The following PTPRS variants were observed in gnomAD, a reference collection of about 807,000 sequenced individuals.
The protein encoded by PTPRS is receptor-type tyrosine-protein phosphatase S.
In PTPRS, 63 loss-of-function variants were observed where a neutral mutation model predicts 215.3. The ratio of observed to expected loss-of-function variants is 0.29; its 90% confidence interval spans 0.24 to 0.36. The LOEUF is 0.36. Among genes scored for constraint, PTPRS ranks in the 10% least tolerant of loss-of-function variants. PTPRS has a pLI of 1.00. For synonymous variants in PTPRS, 1,404 were observed against 1,191.4 expected (o/e 1.18, Z -3.68); for missense variants, 2,258 against 2,825.8 (o/e 0.80, Z 4.56).
intron 30 of PTPRS, among the ~76,000 whole-genome samples, chr19:5,213,474 T>C (rs912359862): frequency 6.6e-6 from 1 of 152,222 alleles, no homozygotes; most frequent in African/African-American, 2.4e-5. Context: ...ACACTGTTTT[T>C]CTCCTCCACT....
chr19:5,207,995 T>C lies in PTPRS; in HGVS notation c.5705A>G (p.Tyr1902Cys). 6.2e-7 allele frequency: 1 copy of C among 1,614,122 alleles called. No homozygotes were observed. Among genetic ancestry groups the C allele is most frequent in the Non-Finnish European group, 8.5e-7 (1 of 1,180,030 alleles). ...CTGAAAGATGTCCACCACGCCTTCA[T>C]ACCGCATCCGCTCCAGCACGATGCT... ...TLSIVLERMR[Y>C]EGVVDIFQTV... Residue 1902 changes from tyrosine to cysteine, a missense_variant, in exon 37 of 38, where the codon TAT (tyrosine) becomes TGT (cysteine). By Grantham distance (194) the Tyr-to-Cys change is radical. Around this residue, in one of 6 missense-constraint regions of PTPRS, gnomAD observed 89 missense variants for 104.0 expected, o/e 0.86. Transcript: ENST00000262963.
At chr19:5,225,925 A>C in intron 16 of PTPRS, 81 bp from the exon 17 acceptor site, 1 of 1,188,996 alleles carries the variant, frequency 8.4e-7, no homozygotes, top group Admixed American at 1.7e-5. Context: ...GCTGAGAACA[A>C]GCAAGGAGGA....
intron 5 of PTPRS, among the ~76,000 whole-genome samples, chr19:5,263,586 G>C (rs1038904157): frequency 6.6e-6 from 1 of 152,202 alleles, no homozygotes; most frequent in African/African-American, 2.4e-5. Context: ...ACAGTGACCT[G>C]AACGAAGGCA....
rs373004499 is a variant in PTPRS, at chr19:5,244,352, G to C, written c.1119C>G (p.Asp373Glu). The change falls in exon 11 of 38, where the codon GAC (aspartate) becomes GAG (glutamate). Residue 373 changes from aspartate to glutamate, a missense_variant. Coordinates refer to ENST00000262963, the MANE Select transcript of PTPRS (RefSeq NM_002850.4). The surrounding 1 kb of genome is among the most constrained non-coding windows in gnomAD (Gnocchi z 7.2). ...YVIEYKSKSQ[D>E]GPYQIKEDIT... ...TGTCCTCTTTAATCTGATACGGCCC[G>C]TCTTGGCTCTTGGATTTATATTCGA... 13 of 1,614,100 alleles carry C rather than the reference G, an allele frequency of 8.1e-6. No individual in the cohort carries two copies. Among genetic ancestry groups the C allele is most frequent in the African/African-American group, 1.3e-5 (1 of 74,924 alleles).
At chr19:5,327,280 C>T (rs1315224959) in intron 1 of PTPRS, among the ~76,000 whole-genome samples, 1 of 152,208 alleles carries the variant, frequency 6.6e-6, no homozygotes, top group African/African-American at 2.4e-5. Flanking sequence ...CACTGATCAT[C>T]AAGCTGTATT....
intron 1 of PTPRS, among the ~76,000 whole-genome samples, chr19:5,325,334 A>G (rs2050139872): frequency 6.6e-6 from 1 of 152,222 alleles, no homozygotes. Flanking sequence ...TCTTTCCCCC[A>G]GGTGGCCATG....
At chr19:5,267,594 T>C (rs1353657354) in intron 4 of PTPRS, among the ~76,000 whole-genome samples, 4 of 150,128 alleles carry the variant, frequency 2.7e-5, no homozygotes, top group Admixed American at 6.6e-5. Context: ...GAGGTGGAGG[T>C]TGCAGTGAGC....
At chr19:5,218,360 G>A (rs1190952827) in intron 25 of PTPRS, 60 bp downstream of exon 25, 3 of 1,507,940 alleles carry the variant, frequency 2.0e-6, no homozygotes, top group African/African-American at 2.8e-5. Context: ...GGCAGCTACT[G>A]CTTCTCCCCA....
At chr19:5,330,076 C>CAA (rs10690740) in intron 1 of PTPRS, among the ~76,000 whole-genome samples, 1,697 of 74,392 alleles carry the variant, frequency 0.023, 29 homozygotes, top group African/African-American at 0.083. Context: ...GACTCTGTCT[C>CAA]AAAAAAAAAA....
chr19:5,225,891 G>T, intron 16 of PTPRS, 47 bp from the exon 17 acceptor site: 4 of 1,504,024 alleles, frequency 2.7e-6, no homozygotes, highest in Non-Finnish European at 3.7e-6. Context: ...GCTGGGAGCA[G>T]CCCCACCCAC....
At chr19:5,234,651 T>C (rs2043285563) in intron 13 of PTPRS, among the ~76,000 whole-genome samples, 1 of 152,034 alleles carries the variant, frequency 6.6e-6, no homozygotes, top group East Asian at 1.9e-4. Flanking sequence ...CAGAAAACAG[T>C]AGTAGTCCCT....
At chr19:5,277,246 C>T (rs539814326) in intron 2 of PTPRS, among the ~76,000 whole-genome samples, 3 of 151,562 alleles carry the variant, frequency 2.0e-5, no homozygotes, top group South Asian at 2.1e-4. Flanking sequence ...TTTTTTTCCC[C>T]GAGGGCTGCA....
chr19:5,262,209 A>C (rs1192914400), intron 6 of PTPRS, among the ~76,000 whole-genome samples: 1 of 152,154 alleles, frequency 6.6e-6, no homozygotes, highest in Non-Finnish European at 1.5e-5. Flanking sequence ...GGGGACGTGG[A>C]GGCTTTAGTG....
intron 4 of PTPRS, among the ~76,000 whole-genome samples, chr19:5,266,476 G>A (rs528806370): frequency 4.0e-5 from 6 of 151,710 alleles, no homozygotes; most frequent in African/African-American, 1.4e-4. Flanking sequence ...TTTTTGAGAT[G>A]GAGTCTCACT....
rs182336163 is a variant in PTPRS at position 5,277,573 on chromosome 19, G to A, written c.92-3229C>T. Among the ~76,000 whole-genome samples the A allele has an allele frequency of 5.3e-5, 8 of 151,550 alleles. No individual in the cohort carries two copies. The East Asian group carries it at 1.6e-3, about 30-fold the overall frequency. ...CGGGAGGCTGAGGCAGGAGAATGGA[G>A]TGAACCCAGGAGGCGAAGCTTGCAG... On this transcript the variant is annotated intron_variant, in intron 2 of 37. Coordinates refer to ENST00000262963, the MANE Select transcript of PTPRS (RefSeq NM_002850.4).
chr19:5,244,559 T>C lies in PTPRS; in HGVS notation c.989-77A>G. 1.7e-6 allele frequency: 2 copies of C among 1,181,470 alleles called. No homozygotes were observed. Among genetic ancestry groups the C allele is most frequent in the Non-Finnish European group, 2.4e-6 (2 of 833,726 alleles). 73.2% of individuals were successfully genotyped at this position (1,181,470 alleles called of 1,614,324 possible). A position where few individuals can be genotyped will look rare whatever the true frequency, so the allele number is the denominator to read the frequency against. On this transcript the variant is annotated intron_variant, in intron 10 of 37. Coordinates refer to ENST00000262963, the MANE Select transcript of PTPRS (RefSeq NM_002850.4). This position sits in a 1 kb window ranked among gnomAD's most constrained non-coding sequence, Gnocchi z 7.2. ...CTGAAGGCTGTGTGACTTTTCACCA[T>C]TCAGTCGCCTTCTCTGAGCCTTGAT...
intron 1 of PTPRS, among the ~76,000 whole-genome samples, chr19:5,298,614 C>G (rs114452169): frequency 0.012 from 1,840 of 152,334 alleles, 28 homozygotes; most frequent in African/African-American, 0.036. Flanking sequence ...CGGGTGCCAA[C>G]CAGCCAGGAG....
chr19:5,269,253 G>A (rs965799899), intron 4 of PTPRS, among the ~76,000 whole-genome samples: 9 of 152,124 alleles, frequency 5.9e-5, no homozygotes, highest in South Asian at 4.1e-4. Context: ...CCCCATAAGC[G>A]TGTGTGGACA....
At chr19:5,326,159 A>G (rs2050161115) in intron 1 of PTPRS, among the ~76,000 whole-genome samples, 1 of 152,146 alleles carries the variant, frequency 6.6e-6, no homozygotes, top group Admixed American at 6.5e-5. Context: ...TGAACCCGGG[A>G]GGTGGGGGTT....
Sources: gnomAD v4.1 joint callset for allele counts (sites outside exome capture counted in the v4.1 genomes callset) on GRCh38, gnomAD v4.1.1 for gene constraint, gnomAD v4.1.1 regional missense constraint, Gnocchi (gnomAD v3.1) non-coding constraint, MANE v1.5 for transcripts, NCBI Gene and HGNC (gene_info 2026-07-23, HGNC 2026-07-21) for gene names.